Variants in TCIRG1 observed in about 807,000 individuals in gnomAD.
TCIRG1 encodes V-type proton ATPase 116 kDa subunit a 3.
A neutral mutation model predicts 95.5 loss-of-function variants in TCIRG1; 86 were observed. That is an observed-to-expected ratio of 0.90 (90% CI 0.76 to 1.08). TCIRG1 has a LOEUF of 1.08. TCIRG1 is among the 50% of genes least tolerant of loss of function. The pLI is 0.00. For missense variants in TCIRG1, 1,069 were observed against 1,140.2 expected (o/e 0.94, Z 0.90); for synonymous variants, 499 against 501.3 (o/e 1.00, Z 0.06).
rs149147144 is a variant in TCIRG1, at chr11:68,047,569, C to T, written c.1302C>T (p.Asn434=). ...ENRPAVKAAQ[N]EIWQTFFRGR... is the part of the protein sequence containing the mutation. Reference sequence around the variant, plus strand: ...GACCGGCTGTGAAGGCCGCGCAGAACGAGGTGAGGGGCGGGGCTGGGGTCC... The same window carrying T: ...GACCGGCTGTGAAGGCCGCGCAGAATGAGGTGAGGGGCGGGGCTGGGGTCC... Residue 434 remains asparagine (N), a synonymous_variant, in exon 11 of 20, where the codon AAC becomes AAT. Coordinates refer to ENST00000265686, the MANE Select transcript of TCIRG1 (RefSeq NM_006019.4). 22 of 1,613,566 alleles carry T rather than the reference C, an allele frequency of 1.4e-5. No individual in the cohort carries two copies. Among genetic ancestry groups the T allele is most frequent in the East Asian group, 2.2e-5 (1 of 44,884 alleles).
Position 68,044,974 on chromosome 11 carries a change from G to A in TCIRG1, c.1037G>A (p.Ser346Asn). Residue 346 changes from serine (S) to asparagine (N), a missense_variant, in exon 10 of 20, where the codon AGT (serine) becomes AAT (asparagine). Physicochemically the swap from Ser to Asn is conservative, Grantham distance 46. Transcript: ENST00000265686. Reference protein sequence around the residue: ...LRDSSMEEGVSAVAHRIPCRD... With the variant: ...LRDSSMEEGVNAVAHRIPCRD... ...GGCACCCAGATGGAGGAGGGAGTGA[G>A]TGCCGTGGCTCACCGCATCCCCTGC... is the stretch of plus-strand genomic sequence containing the variant. The A allele has an allele frequency of 6.2e-7, 1 of 1,608,284 alleles. No individual in the cohort carries two copies.
rs1322052572 is a variant in TCIRG1, at chr11:68,049,683, G to A, written c.1908G>A (p.Leu636=). ...GGCAGGAGGTGGTCCAGGCCACGCT[G>A]GTGGTCCTGGCCTTGGCCATGGTGC... The part of the protein sequence containing the change: ...YPRQEVVQAT[L]VVLALAMVPI... Residue 636 remains leucine (L), a synonymous_variant, in exon 16 of 20, where the codon CTG becomes CTA. Transcript: ENST00000265686. The A allele has an allele frequency of 1.2e-6, 2 of 1,600,798 alleles. No individual in the cohort carries two copies. The highest frequency in any genetic ancestry group is 1.1e-5 in the South Asian group (1 of 90,214).
At position 68,045,102 on chromosome 11, in the gene TCIRG1, G is replaced by A. The variant is rs1325653652; in HGVS notation, c.1165G>A (p.Ala389Thr). Residue 389 changes from alanine (A) to threonine (T), a missense_variant and splice_region_variant, in exon 10 of 20, where the codon GCT (alanine) becomes ACT (threonine). Transcript: ENST00000265686. ...GVGRYQEVNP[A>T]PYTIITFPFL... ...GGGCCGCTACCAGGAGGTCAACCCC[G>A]GTGAGAGCCACGGCATCCTTACCCG... is the stretch of plus-strand genomic sequence containing the variant. 11 of 1,600,612 alleles carry A rather than the reference G, an allele frequency of 6.9e-6. No individual in the cohort carries two copies. Among genetic ancestry groups the A allele is most frequent in the African/African-American group, 2.7e-5 (2 of 74,954 alleles).
Position 68,041,841 on chromosome 11 carries a change from T to C in TCIRG1, c.196+10T>C, listed in dbSNP as rs1276039551. On this transcript the variant is annotated intron_variant, in intron 3 of 19. Transcript: ENST00000265686. ...CTGGAGAAGACCTTCAGTGAGTTGGTCCCAGGCCTACATTCCAGGCAGGCT... is the reference window on the plus strand; with the variant it reads ...CTGGAGAAGACCTTCAGTGAGTTGGCCCCAGGCCTACATTCCAGGCAGGCT... 6.2e-7 allele frequency: 1 copy of C among 1,601,140 alleles called. No homozygotes were observed. The highest frequency in any genetic ancestry group is 8.5e-7 in the Non-Finnish European group (1 of 1,173,526).
Position 68,047,699 on chromosome 11 carries a change from T to A in TCIRG1, c.1358T>A (p.Phe453Tyr). The change falls in exon 12 of 20, where the codon TTC becomes TAC. Residue 453 changes from phenylalanine to tyrosine, a missense_variant. Transcript: ENST00000265686. ...TACCTGCTCCTGCTTATGGGCCTGT[T>A]CTCCATCTACACCGGCTTCATCTAC... is the stretch of plus-strand genomic sequence containing the variant. ...GRYLLLLMGLFSIYTGFIYNE... is the reference protein window; with the variant it reads ...GRYLLLLMGLYSIYTGFIYNE... 1 of 1,610,962 alleles carries A rather than the reference T, an allele frequency of 6.2e-7. No homozygotes were observed. Among genetic ancestry groups the A allele is most frequent in the Non-Finnish European group, 8.5e-7 (1 of 1,179,016 alleles).
chr11:68,043,682 G>T lies in TCIRG1; in HGVS notation c.713+29G>T, dbSNP rs139054835. 14 of 1,576,172 alleles carry T rather than the reference G, an allele frequency of 8.9e-6. No homozygotes were observed. In the South Asian group the frequency reaches 1.0e-4, roughly 12 times the overall value. ...AGTCACTGGGAACACCCGCCCCACC[G>T]CCCTGCTCCCCAGGCCCCTGCTGTC... On this transcript the variant is annotated intron_variant, in intron 7 of 19. Transcript: ENST00000265686.
chr11:68,050,788 G>A lies in TCIRG1; in HGVS notation c.2462G>A (p.Ser821Asn). 1.9e-6 allele frequency: 3 copies of A among 1,613,800 alleles called. No homozygotes were observed. Among genetic ancestry groups the A allele is most frequent in the Non-Finnish European group, 2.5e-6 (3 of 1,180,034 alleles). The change falls in exon 20 of 20, where the codon AGT becomes AAT. Residue 821 changes from serine to asparagine, a missense_variant. By Grantham distance (46) the Ser-to-Asn change is conservative. Transcript: ENST00000265686. ...TACTCAGGCACGGGCTACAAGCTGAGTCCCTTCACCTTCGCTGCCACAGAT... is the reference window on the plus strand; with the variant it reads ...TACTCAGGCACGGGCTACAAGCTGAATCCCTTCACCTTCGCTGCCACAGAT... ...KFYSGTGYKLSPFTFAATDD is the reference protein window; with the variant it reads ...KFYSGTGYKLNPFTFAATDD
chr11:68,045,082 G>T lies in TCIRG1; in HGVS notation c.1145G>T (p.Arg382Leu), dbSNP rs377606797. The change falls in exon 10 of 20, where the codon CGC (arginine) becomes CTC (leucine). Residue 382 changes from arginine (R) to leucine (L), a missense_variant. Transcript: ENST00000265686. ...QGIVDAYGVG[R>L]YQEVNPAPYT... ...ATCGTGGATGCCTACGGCGTGGGCC[G>T]CTACCAGGAGGTCAACCCCGGTGAG... 6.2e-7 allele frequency: 1 copy of T among 1,602,266 alleles called. No homozygotes were observed.
chr11:68,044,380 C>G, intron 9 of TCIRG1, 36 bp downstream of exon 9: 2 of 1,503,614 alleles, frequency 1.3e-6, no homozygotes, highest in East Asian at 4.9e-5. Flanking sequence ...TCTCCGCCCG[C>G]CCCTCCTACC....
rs1225851758 is a variant in TCIRG1, at chr11:68,050,631, T to A, written c.2381T>A (p.Leu794His). The change falls in exon 19 of 20, where the codon CTC becomes CAC. Residue 794 changes from leucine to histidine, a missense_variant. Leu to His is a moderately conservative substitution (Grantham distance 99, BLOSUM62 -3). Transcript: ENST00000265686. Reference sequence around the variant, plus strand: ...GCTATCCTGCTGGTGATGGAGGGACTCTCAGCCTTCCTGCACGCCCTGCGG... The same window carrying A: ...GCTATCCTGCTGGTGATGGAGGGACACTCAGCCTTCCTGCACGCCCTGCGG... The part of the protein sequence containing the change: ...TVAILLVMEG[L>H]SAFLHALRLH... 8 of 1,613,378 alleles carry A rather than the reference T, an allele frequency of 5.0e-6. No homozygotes were observed. The highest frequency in any genetic ancestry group is 1.1e-5 in the South Asian group (1 of 91,090).
chr11:68,050,564 G>A lies in TCIRG1; in HGVS notation c.2314G>A (p.Val772Met). The change falls in exon 19 of 20, where the codon GTG (valine) becomes ATG (methionine). Residue 772 changes from valine to methionine, a missense_variant. Physicochemically the swap from Val to Met is conservative, Grantham distance 21 (BLOSUM62 1). Coordinates refer to ENST00000265686, the MANE Select transcript of TCIRG1 (RefSeq NM_006019.4). Reference sequence around the variant, plus strand: ...CCGGGAGGTGGGCGTGGCGGCTGTGGTGCTGGTCCCCATCTTTGCCGCCTT... The same window carrying A: ...CCGGGAGGTGGGCGTGGCGGCTGTGATGCTGGTCCCCATCTTTGCCGCCTT... ...LGREVGVAAV[V>M]LVPIFAAFAV... 2 of 1,613,688 alleles carry A rather than the reference G, an allele frequency of 1.2e-6. No homozygotes were observed. Among genetic ancestry groups the A allele is most frequent in the Non-Finnish European group, 1.7e-6 (2 of 1,180,028 alleles).
chr11:68,049,139 C>G lies in TCIRG1; in HGVS notation c.1732C>G (p.Leu578Val). The G allele has an allele frequency of 6.2e-7, 1 of 1,613,916 alleles. No individual in the cohort carries two copies. The highest frequency in any genetic ancestry group is 8.5e-7 in the Non-Finnish European group (1 of 1,180,012). ...LETLPELTFL[L>V]GLFGYLVFLV... ...GACGCTGCCGGAGCTCACCTTCCTG[C>G]TGGGACTCTTCGGTTACCTCGTGTT... is the stretch of plus-strand genomic sequence containing the variant. The change falls in exon 15 of 20, where the codon CTG (leucine) becomes GTG (valine). Residue 578 changes from leucine to valine, a missense_variant. Transcript: ENST00000265686.
chr11:68,041,181 T>G, intron 1 of TCIRG1, 87 bp from the exon 2 acceptor site: 6 of 893,018 alleles, frequency 6.7e-6, no homozygotes, highest in Non-Finnish European at 1.1e-5. Flanking sequence ...GCTTCCAGGA[T>G]TCAGTGAGTG....
intron 12 of TCIRG1, 22 bp downstream of exon 12, chr11:68,047,826 G>A (rs374801505): frequency 7.4e-6 from 12 of 1,612,176 alleles, no homozygotes; most frequent in African/African-American, 1.3e-5. Context: ...GCCCCAGCCC[G>A]GCTGGGGGCC....
chr11:68,052,845 G>A (rs1333212801), downstream of TCIRG1: 1 of 152,216 alleles, frequency 6.6e-6, no homozygotes, highest in Non-Finnish European at 1.5e-5. Context: ...ACATCCAAGG[G>A]TGACAGCTTG....
At chr11:68,043,784 G>T in intron 7 of TCIRG1, 30 bp from the exon 8 acceptor site, 1 of 1,552,652 alleles carries the variant, frequency 6.4e-7, no homozygotes. Flanking sequence ...GTGTCCTTCT[G>T]GCCCCTCACG....
intron 9 of TCIRG1, among the ~76,000 whole-genome samples, chr11:68,044,609 C>G (rs981211123): frequency 7.2e-5 from 11 of 152,208 alleles, no homozygotes; most frequent in South Asian, 4.1e-4. Context: ...TCCAGGCCCC[C>G]CTGTGACCTT....
At position 68,047,746 on chromosome 11, in the gene TCIRG1, A is replaced by G. The variant is rs761752747; in HGVS notation, c.1405A>G (p.Thr469Ala). 5.6e-6 allele frequency: 9 copies of G among 1,613,150 alleles called. No individual in the cohort carries two copies. The highest frequency in any genetic ancestry group is 7.6e-6 in the Non-Finnish European group (9 of 1,179,966). Residue 469 changes from threonine to alanine, a missense_variant, in exon 12 of 20, where the codon ACC becomes GCC. Physicochemically the swap from Thr to Ala is moderately conservative, Grantham distance 58. Coordinates refer to ENST00000265686, the MANE Select transcript of TCIRG1 (RefSeq NM_006019.4). The part of the protein sequence containing the change: ...FIYNECFSRA[T>A]SIFPSGWSVA... ...CTACAACGAGTGCTTCAGTCGCGCC[A>G]CCAGCATCTTCCCCTCGGGCTGGAG...
At chr11:68,044,087 C>A (rs1255754002) in intron 8 of TCIRG1, 45 bp from the exon 9 acceptor site, 1 of 1,520,550 alleles carries the variant, frequency 6.6e-7, no homozygotes, top group Non-Finnish European at 8.9e-7. Flanking sequence ...GCCCAGCCAC[C>A]CCACCTGCCT....
Sources: gnomAD v4.1 joint callset for allele counts (sites outside exome capture counted in the v4.1 genomes callset) on GRCh38, gnomAD v4.1.1 for gene constraint, MANE v1.5 for transcripts, NCBI Gene and HGNC (gene_info 2026-07-23, HGNC 2026-07-21) for gene names.